The following PCDHA13 variants were observed in gnomAD, a reference collection of about 807,000 sequenced individuals.
The protein encoded by PCDHA13 is protocadherin alpha 13.
A neutral mutation model predicts 64.8 loss-of-function variants in PCDHA13; 54 were observed. The ratio of observed to expected loss-of-function variants is 0.83; its 90% CI spans 0.67 to 1.04. PCDHA13 has a LOEUF of 1.04. Ranked by LOEUF, PCDHA13 falls within the 50% of genes least tolerant of loss-of-function variation. The pLI is 0.00. For missense variants in PCDHA13, 1,248 were observed against 1,254.3 expected, an observed-to-expected ratio of 0.99 and a Z score of 0.08; for synonymous variants, 587 against 564.4, an observed-to-expected ratio of 1.04 and a Z score of -0.57.
chr5:140,889,831 T>C (rs2062398202), intron 1 of PCDHA13, among the ~76,000 whole-genome samples: 1 of 152,138 alleles, frequency 6.6e-6, no homozygotes, highest in African/African-American at 2.4e-5. Flanking sequence ...AGTCTTACAG[T>C]ATGCTTTGGT....
intron 1 of PCDHA13, among the ~76,000 whole-genome samples, chr5:140,898,053 A>C (rs1444652933): frequency 1.3e-5 from 2 of 151,746 alleles, no homozygotes; most frequent in Admixed American, 1.3e-4. Context: ...TTTTTCTTGT[A>C]AATTTGTTTG....
chr5:140,903,349 A>T (rs1191077377), intron 1 of PCDHA13, among the ~76,000 whole-genome samples: 1 of 152,240 alleles, frequency 6.6e-6, no homozygotes, highest in Non-Finnish European at 1.5e-5. Flanking sequence ...ATTTTAAAAA[A>T]CAAGTTTTTC....
chr5:141,000,027 A>G (rs782393146), intron 3 of PCDHA13, among the ~76,000 whole-genome samples: 4 of 152,048 alleles, frequency 2.6e-5, no homozygotes, highest in Non-Finnish European at 5.9e-5. Flanking sequence ...TAAGCCTGAC[A>G]TCCAATCACA....
At chr5:140,940,564 T>G (rs1481591678) in intron 1 of PCDHA13, among the ~76,000 whole-genome samples, 2 of 152,228 alleles carry the variant, frequency 1.3e-5, no homozygotes, top group African/African-American at 4.8e-5. Flanking sequence ...TTCTCCTACC[T>G]TGGCTCCCAA....
At chr5:140,956,009 CTT>C (rs2095247878) in intron 1 of PCDHA13, among the ~76,000 whole-genome samples, 1 of 152,192 alleles carries the variant, frequency 6.6e-6, no homozygotes, top group Non-Finnish European at 1.5e-5. Flanking sequence ...TATCCTGAGA[CTT>C]TGCTGAAGTT....
At chr5:140,921,777 C>G (rs1434211783) in intron 1 of PCDHA13, among the ~76,000 whole-genome samples, 1 of 152,030 alleles carries the variant, frequency 6.6e-6, no homozygotes, top group Non-Finnish European at 1.5e-5. Flanking sequence ...TCAATACTGA[C>G]TTGGATGTTC....
In PCDHA13 at chr5:140,964,167, C is replaced by T. The variant is rs370784169; in HGVS notation, c.2395-14782C>T. Reference sequence around the variant, plus strand: ...AGCCTCAGTATAATGGTGTGAGGAACGAAATCATTATAGTGCCAAATAGAG... The same window carrying T: ...AGCCTCAGTATAATGGTGTGAGGAATGAAATCATTATAGTGCCAAATAGAG... On this transcript the variant is annotated intron_variant, in intron 1 of 3. Coordinates refer to ENST00000289272, the MANE Select transcript of PCDHA13 (RefSeq NM_018904.3). Among the ~76,000 whole-genome samples, 16 of 152,250 alleles carry T rather than the reference C, an allele frequency of 1.1e-4. 1 individual carries two copies. The highest frequency in any genetic ancestry group is 3.4e-4 in the African/African-American group (14 of 41,544).
At chr5:140,917,352 C>G (rs2078160172) in intron 1 of PCDHA13, among the ~76,000 whole-genome samples, 1 of 141,764 alleles carries the variant, frequency 7.1e-6, no homozygotes, top group African/African-American at 2.6e-5. Context: ...GTGTAGGCTT[C>G]TGTTCCACTA....
At chr5:140,993,720 T>C (rs1201014213) in intron 3 of PCDHA13, among the ~76,000 whole-genome samples, 2 of 152,172 alleles carry the variant, frequency 1.3e-5, no homozygotes, top group Non-Finnish European at 2.9e-5. Context: ...TTACTGTACC[T>C]TTTCTATGTT....
At chr5:140,928,292 T>G in intron 1 of PCDHA13, 1 of 1,614,086 alleles carries the variant, frequency 6.2e-7, no homozygotes, top group Middle Eastern at 1.6e-4. Flanking sequence ...CTAGGCCGAG[T>G]GTTTGCCCAG....
At chr5:140,968,644 G>C (rs1554230935) in intron 1 of PCDHA13, 3 of 1,614,046 alleles carry the variant, frequency 1.9e-6, no homozygotes, top group African/African-American at 2.7e-5. Context: ...ATCTAGCCCA[G>C]ACTTCTGACC....
chr5:140,966,934 G>C (rs782780798), intron 1 of PCDHA13: 3 of 1,604,080 alleles, frequency 1.9e-6, no homozygotes, highest in Non-Finnish European at 2.5e-6. Flanking sequence ...CACCCGGCGC[G>C]CTCGTGGGCA....
rs1188351170 is a variant in PCDHA13, at chr5:140,929,610, T to C, written c.2394+44948T>C. 7.3e-6 allele frequency: 3 copies of C among 408,442 alleles called. No individual in the cohort carries two copies. The South Asian group carries it at 4.1e-4, about 55-fold the overall frequency. 25.3% of individuals were successfully genotyped at this position (408,442 alleles called of 1,614,324 possible). On this transcript the variant is annotated intron_variant, in intron 1 of 3. Transcript: ENST00000289272. ...TAAAGGTCTAAAATTAAAAATAAAA[T>C]ACCAAAATATTTTATAAGCAACAGA...
In PCDHA13 at chr5:140,968,153, A is replaced by G; in HGVS notation, c.2395-10796A>G. 2 of 1,614,142 alleles carry G rather than the reference A, an allele frequency of 1.2e-6. No individual in the cohort carries two copies. The highest frequency in any genetic ancestry group is 8.5e-7 in the Non-Finnish European group (1 of 1,180,046). On this transcript the variant is annotated intron_variant, in intron 1 of 3. Coordinates refer to ENST00000289272, the MANE Select transcript of PCDHA13 (RefSeq NM_018904.3). ...ACTGAAGGTTGAGATCTCTGACATC[A>G]ATGACAATCCACCAAGCTTCCTGGA...
rs781883775 is a variant in PCDHA13 at position 140,882,591 on chromosome 5, T to C, written c.323T>C (p.Val108Ala). The C allele has an allele frequency of 1.2e-6, 2 of 1,614,116 alleles. No homozygotes were observed. Among genetic ancestry groups the C allele is most frequent in the South Asian group, 2.2e-5 (2 of 91,072 alleles). Reference sequence around the variant, plus strand: ...GCGGAGTGCAGCATCCACCTGGAGGTGATCGTGGACAGGCCTCTGCAGGTT... The same window carrying C: ...GCGGAGTGCAGCATCCACCTGGAGGCGATCGTGGACAGGCCTCTGCAGGTT... ...RSAECSIHLEVIVDRPLQVFH... is the reference protein window; with the variant it reads ...RSAECSIHLEAIVDRPLQVFH... Residue 108 changes from valine to alanine, a missense_variant, in exon 1 of 4, where the codon GTG becomes GCG. Physicochemically the swap from Val to Ala is moderately conservative, Grantham distance 64. Coordinates refer to ENST00000289272, the MANE Select transcript of PCDHA13 (RefSeq NM_018904.3).
intron 3 of PCDHA13, among the ~76,000 whole-genome samples, chr5:141,003,377 T>C (rs2098121331): frequency 6.6e-6 from 1 of 152,180 alleles, no homozygotes; most frequent in African/African-American, 2.4e-5. Context: ...AGTGGTGCAA[T>C]CTCAGCTCAC....
chr5:140,997,864 C>A (rs2097788719), intron 3 of PCDHA13, among the ~76,000 whole-genome samples: 1 of 152,100 alleles, frequency 6.6e-6, no homozygotes, highest in South Asian at 2.1e-4. Context: ...ATTTCTTATG[C>A]ATGCTTGCTA....
chr5:140,983,768 T>G (rs1236827804), intron 3 of PCDHA13, among the ~76,000 whole-genome samples: 2 of 152,196 alleles, frequency 1.3e-5, no homozygotes, highest in African/African-American at 4.8e-5. Context: ...CAAATACATA[T>G]CTACATACAT....
chr5:140,961,793 A>G (rs1554225592), intron 1 of PCDHA13, among the ~76,000 whole-genome samples: 2 of 152,166 alleles, frequency 1.3e-5, no homozygotes, highest in Admixed American at 1.3e-4. Flanking sequence ...TTTTTAAAAG[A>G]TAGGAAATTG....
Sources: gnomAD v4.1 joint callset for allele counts (sites outside exome capture counted in the v4.1 genomes callset) on GRCh38, gnomAD v4.1.1 for gene constraint, MANE v1.5 for transcripts, NCBI Gene and HGNC (gene_info 2026-07-23, HGNC 2026-07-21) for gene names.